MED13L: variants seen among roughly 807,000 people sequenced by gnomAD.
The protein encoded by MED13L is mediator complex subunit 13L, also known as mediator of RNA polymerase II transcription subunit 13-like.
MED13L carries 7 observed loss-of-function variants against 220.9 expected under a neutral mutation model. The ratio of observed to expected loss-of-function variants is 0.03; its 90% CI spans 0.02 to 0.06. The LOEUF (loss-of-function observed/expected upper bound fraction) is 0.06, where lower values mean the gene tolerates loss of function less well. MED13L is among the 10% of genes least tolerant of loss of function. The pLI is 1.00. For synonymous variants in MED13L, 1,011 were observed against 1,015.2 expected (o/e 1.00, Z 0.08); for missense variants, 1,965 against 2,760.5 (o/e 0.71, Z 6.46).
intron 2 of MED13L, among the ~76,000 whole-genome samples, chr12:116,182,009 G>GTGA (rs1880565224): frequency 1.3e-5 from 2 of 152,086 alleles, no homozygotes; most frequent in African/African-American, 4.8e-5. Context: ...TGTTTCCATA[G>GTGA]TGAAGTCTGT....
At chr12:116,206,784 T>A (rs1255851793) in intron 2 of MED13L, among the ~76,000 whole-genome samples, 1 of 152,258 alleles carries the variant, frequency 6.6e-6, no homozygotes, top group Non-Finnish European at 1.5e-5. Context: ...CAGAGTTCAC[T>A]GTTTACAAGT....
intron 2 of MED13L, among the ~76,000 whole-genome samples, chr12:116,234,087 G>A (rs1454893235): frequency 2.6e-5 from 4 of 151,912 alleles, no homozygotes; most frequent in South Asian, 2.1e-4. Context: ...TTTGGAGTAC[G>A]CTATGAAGAC....
intron 29 of MED13L, among the ~76,000 whole-genome samples, chr12:115,963,821 C>CAT (rs1875943508): frequency 6.6e-6 from 1 of 152,042 alleles, no homozygotes; most frequent in Non-Finnish European, 1.5e-5. Context: ...TAATAAGGTC[C>CAT]CATGAATTGA....
chr12:116,234,357 A>G (rs1869872307), intron 2 of MED13L, among the ~76,000 whole-genome samples: 1 of 151,872 alleles, frequency 6.6e-6, no homozygotes, highest in South Asian at 2.1e-4. Context: ...CCTCTCCAGT[A>G]GCTGGGATTA....
intron 2 of MED13L, among the ~76,000 whole-genome samples, chr12:116,194,027 A>G (rs373226591): frequency 6.6e-6 from 1 of 152,202 alleles, no homozygotes; most frequent in African/African-American, 2.4e-5. Context: ...CAGAACCTAA[A>G]TAAGTTTACT....
At chr12:116,170,360 T>G (rs965286662) in intron 2 of MED13L, among the ~76,000 whole-genome samples, 1 of 152,088 alleles carries the variant, frequency 6.6e-6, no homozygotes, top group African/African-American at 2.4e-5. Context: ...TACCATTCAT[T>G]TTGGAGAAAA....
chr12:116,132,727 C>A (rs142467366), intron 2 of MED13L, among the ~76,000 whole-genome samples: 2 of 152,220 alleles, frequency 1.3e-5, no homozygotes, highest in Non-Finnish European at 2.9e-5. Flanking sequence ...CGAGACCAGA[C>A]TGGCCAACAT....
chr12:116,175,433 G>A (rs1163409732), intron 2 of MED13L, among the ~76,000 whole-genome samples: 1 of 152,048 alleles, frequency 6.6e-6, no homozygotes, highest in African/African-American at 2.4e-5. Context: ...TGTAGGTAGA[G>A]GTAACAACAA....
At chr12:116,139,668 AT>A (rs1360908829) in intron 2 of MED13L, among the ~76,000 whole-genome samples, 2 of 152,158 alleles carry the variant, frequency 1.3e-5, no homozygotes, top group Non-Finnish European at 2.9e-5. Flanking sequence ...AGCAAACGGT[AT>A]TAACAATATG....
chr12:116,104,610 A>G (rs1873394747), intron 3 of MED13L, among the ~76,000 whole-genome samples: 1 of 152,212 alleles, frequency 6.6e-6, no homozygotes, highest in Non-Finnish European at 1.5e-5. Flanking sequence ...AAGAGCCATT[A>G]TGTTTTACAA....
chr12:116,075,561 T>C (rs1870713650), intron 4 of MED13L, among the ~76,000 whole-genome samples: 1 of 152,204 alleles, frequency 6.6e-6, no homozygotes, highest in Non-Finnish European at 1.5e-5. Context: ...TAGCACAGTA[T>C]CTCAAAAAAT....
chr12:116,084,714 G>A (rs558020881), intron 4 of MED13L, among the ~76,000 whole-genome samples: 7 of 152,000 alleles, frequency 4.6e-5, no homozygotes, highest in Non-Finnish European at 1.0e-4. Flanking sequence ...GAACCCAAGA[G>A]GCGGAGGTTG....
chr12:116,194,172 T>C (rs1881467408), intron 2 of MED13L, among the ~76,000 whole-genome samples: 1 of 152,136 alleles, frequency 6.6e-6, no homozygotes, highest in Non-Finnish European at 1.5e-5. Flanking sequence ...CCCTACTTCT[T>C]TTTTTCTTTT....
chr12:116,120,469 T>TCACACACACACA (rs1317946558), intron 2 of MED13L, among the ~76,000 whole-genome samples: 1 of 129,778 alleles, frequency 7.7e-6, no homozygotes, highest in Admixed American at 7.8e-5. Flanking sequence ...TCTCTCTCTC[T>TCACACACACACA]CTCTCTCTCA....
chr12:115,977,846 T>A (rs1877042257), intron 23 of MED13L, among the ~76,000 whole-genome samples: 1 of 151,828 alleles, frequency 6.6e-6, no homozygotes, highest in Non-Finnish European at 1.5e-5. Context: ...TTACAAAAAT[T>A]TAGCGAGGCA....
At chr12:115,982,999 G>T in intron 21 of MED13L, 118 bp downstream of exon 21, 1 of 1,150,446 alleles carries the variant, frequency 8.7e-7, no homozygotes, top group Non-Finnish European at 1.3e-6. Flanking sequence ...TTTGAGAAGA[G>T]AAATAGAGCA....
In MED13L at chr12:115,984,325, G is replaced by A. The variant is rs760971347; in HGVS notation, c.4386C>T (p.Asp1462=). The change falls in exon 20 of 31, where the codon GAC becomes GAT. Residue 1462 remains aspartate, a synonymous_variant. Coordinates refer to ENST00000281928, the MANE Select transcript of MED13L (RefSeq NM_015335.5). The stretch of plus-strand genomic sequence containing the variant: ...CAGTTTTTCCCACGCGCATGATCCC[G>A]TCACGTAGCACTTTGCAGATGGGCT... ...QHKPICKVLR[D]GIMRVGKTVA... The A allele has an allele frequency of 2.4e-5, 38 of 1,613,914 alleles. No individual in the cohort carries two copies. The highest frequency in any genetic ancestry group is 1.1e-4 in the East Asian group (5 of 44,882).
chr12:116,056,470 C>T (rs891414695), intron 4 of MED13L, among the ~76,000 whole-genome samples: 8 of 152,060 alleles, frequency 5.3e-5, no homozygotes, highest in African/African-American at 1.9e-4. Context: ...CTCAAGCAAT[C>T]TGTCCAGCTC....
chr12:116,060,241 C>G (rs11067895), intron 4 of MED13L, among the ~76,000 whole-genome samples: 1 of 151,894 alleles, frequency 6.6e-6, no homozygotes, highest in Non-Finnish European at 1.5e-5. Context: ...AGACACATTT[C>G]TAATAAGCCT....
Sources: allele counts gnomAD v4.1 joint callset (sites outside exome capture counted in the v4.1 genomes callset), GRCh38; gene constraint gnomAD v4.1.1; transcripts MANE v1.5; gene names NCBI Gene and HGNC (gene_info 2026-07-23, HGNC 2026-07-21).